The following NR6A1 variants were observed in gnomAD, a reference collection of about 807,000 sequenced individuals.
The protein encoded by NR6A1 is retinoic acid receptor-related testis-associated receptor.
In NR6A1, 7 loss-of-function variants were observed where a neutral mutation model predicts 59.1. The observed-to-expected ratio is 0.12, with a 90% confidence interval of 0.07 to 0.22. NR6A1 has a LOEUF of 0.22. Among genes scored for constraint, NR6A1 ranks in the 10% least tolerant of loss-of-function variants. NR6A1 has a pLI of 1.00. For missense variants in NR6A1, 468 were observed against 611.6 expected, an observed-to-expected ratio of 0.77 and a Z score of 2.48; for synonymous variants, 243 against 236.1, an observed-to-expected ratio of 1.03 and a Z score of -0.27.
chr9:124,530,194 T>C (rs1833061281), intron 7 of NR6A1, among the ~76,000 whole-genome samples: 1 of 152,120 alleles, frequency 6.6e-6, no homozygotes, highest in Non-Finnish European at 1.5e-5. Flanking sequence ...ACCCTAGATC[T>C]GCCCTTTCTC....
intron 2 of NR6A1, among the ~76,000 whole-genome samples, chr9:124,622,006 G>C (rs1588715995): frequency 6.6e-6 from 1 of 152,138 alleles, no homozygotes; most frequent in Non-Finnish European, 1.5e-5. Context: ...TTGAGCCCAG[G>C]AGTTTGAAAC....
intron 2 of NR6A1, among the ~76,000 whole-genome samples, chr9:124,579,299 C>T (rs746830029): frequency 4.6e-5 from 7 of 151,920 alleles, no homozygotes; most frequent in Admixed American, 3.3e-4. Context: ...CACCTGTGGT[C>T]CCAGCTACAT....
intron 2 of NR6A1, among the ~76,000 whole-genome samples, chr9:124,602,442 T>C (rs1402132293): frequency 6.6e-6 from 1 of 152,208 alleles, no homozygotes; most frequent in Non-Finnish European, 1.5e-5. Context: ...CTCAAACTGC[T>C]GTTAAGCAAC....
At chr9:124,765,215 C>A (rs1000485591) in intron 1 of NR6A1, among the ~76,000 whole-genome samples, 1 of 152,082 alleles carries the variant, frequency 6.6e-6, no homozygotes, top group Non-Finnish European at 1.5e-5. Flanking sequence ...CACAAACTAC[C>A]CTGAATGAAA....
In NR6A1 at chr9:124,554,325, C is replaced by T. The variant is rs535020653; in HGVS notation, c.385+3G>A. The T allele has an allele frequency of 2.0e-5, 32 of 1,614,182 alleles. 1 individual carries two copies. In the South Asian group the frequency reaches 3.4e-4, roughly 17 times the overall value. Reference sequence around the variant, plus strand: ...GGCCATCAGAGCCATCAGCACCACTCACCCTTCCGGTTCATCCCCATCTGG... The same window carrying T: ...GGCCATCAGAGCCATCAGCACCACTTACCCTTCCGGTTCATCCCCATCTGG... On this transcript the variant is annotated splice_donor_region_variant and intron_variant, in intron 3 of 9. Transcript: ENST00000487099.
At position 124,665,010 on chromosome 9, in the gene NR6A1, C is replaced by CAAAA. The variant is rs59451556; in HGVS notation, c.142+68294_142+68297dup. Among the ~76,000 whole-genome samples the CAAAA allele has an allele frequency of 1.3e-3, 18 of 13,736 alleles. 4 individuals are homozygous for CAAAA. Among genetic ancestry groups the CAAAA allele is most frequent in the African/African-American group, 2.1e-3 (15 of 7,026 alleles). 9.0% of individuals were successfully genotyped at this position (13,736 alleles called of 152,430 possible). A position where few individuals can be genotyped will look rare whatever the true frequency, so the allele number is the denominator to read the frequency against. On this transcript the variant is annotated intron_variant, in intron 2 of 9. Coordinates refer to ENST00000487099, the MANE Select transcript of NR6A1 (RefSeq NM_033334.4). ...CAATATAATAAGATCCTTGTATCTC[C>CAAAA]AAAAAAAAAAAAAAAAAAAAAAAAA...
chr9:124,630,210 G>GTTTTTTTTTTTTTTTTTTTTT (rs71372979), intron 2 of NR6A1, among the ~76,000 whole-genome samples: 1 of 95,356 alleles, frequency 1.0e-5, no homozygotes, highest in Non-Finnish European at 2.0e-5. Context: ...CTCCAAATCA[G>GTTTTTTTTTTTTTTTTTTTTT]TTTTTTTTTT....
chr9:124,766,373 G>A (rs1193079027), intron 1 of NR6A1, among the ~76,000 whole-genome samples: 1 of 152,176 alleles, frequency 6.6e-6, no homozygotes, highest in South Asian at 2.1e-4. Context: ...AAAGAGTTGG[G>A]TATATCAGAT....
intron 6 of NR6A1, among the ~76,000 whole-genome samples, chr9:124,536,663 TA>T (rs79553613): frequency 4.1e-3 from 526 of 128,324 alleles, no homozygotes; most frequent in Admixed American, 4.7e-3. Context: ...AGACTCTGTC[TA>T]AAAAAAAAAA....
chr9:124,628,663 T>A (rs1291420521), intron 2 of NR6A1, among the ~76,000 whole-genome samples: 1 of 150,798 alleles, frequency 6.6e-6, no homozygotes, highest in Non-Finnish European at 1.5e-5. Context: ...TTTAAAGAGA[T>A]GGAGTCTTGC....
intron 2 of NR6A1, among the ~76,000 whole-genome samples, chr9:124,673,331 C>T (rs1837851435): frequency 6.6e-6 from 1 of 152,028 alleles, no homozygotes; most frequent in Admixed American, 6.6e-5. Context: ...ACCACAACTA[C>T]TGAAGACTCA....
At chr9:124,725,137 G>A (rs1839674636) in intron 2 of NR6A1, among the ~76,000 whole-genome samples, 1 of 151,626 alleles carries the variant, frequency 6.6e-6, no homozygotes, top group Non-Finnish European at 1.5e-5. Context: ...AGGGCAGACA[G>A]GGGTTATTTG....
At chr9:124,665,715 T>C (rs1324687565) in intron 2 of NR6A1, among the ~76,000 whole-genome samples, 1 of 152,192 alleles carries the variant, frequency 6.6e-6, no homozygotes, top group African/African-American at 2.4e-5. Context: ...CACAGCTAGG[T>C]AGTACTCAAC....
At chr9:124,690,272 T>TAA (rs369576779) in intron 2 of NR6A1, among the ~76,000 whole-genome samples, 2 of 152,172 alleles carry the variant, frequency 1.3e-5, no homozygotes, top group African/African-American at 4.8e-5. Flanking sequence ...GATACATTGT[T>TAA]TTATTGAGTT....
At chr9:124,598,580 ATAT>A (rs1835346109) in intron 2 of NR6A1, 3 of 297,930 alleles carry the variant, frequency 1.0e-5, no homozygotes, top group African/African-American at 6.7e-5. Flanking sequence ...TTTGTTCTTT[ATAT>A]AACGGCCTTT....
At chr9:124,661,412 C>CAGG (rs1195373261) in intron 2 of NR6A1, among the ~76,000 whole-genome samples, 2 of 152,306 alleles carry the variant, frequency 1.3e-5, no homozygotes, top group African/African-American at 4.8e-5. Context: ...TCCATTTCAA[C>CAGG]AGGAGGAGGA....
intron 2 of NR6A1, among the ~76,000 whole-genome samples, chr9:124,593,231 T>G (rs926853274): frequency 1.3e-5 from 2 of 152,192 alleles, no homozygotes; most frequent in African/African-American, 4.8e-5. Flanking sequence ...TATCTCAAAA[T>G]AACACACTAG....
At chr9:124,636,484 C>T (rs1351054888) in intron 2 of NR6A1, among the ~76,000 whole-genome samples, 1 of 152,118 alleles carries the variant, frequency 6.6e-6, no homozygotes, top group Non-Finnish European at 1.5e-5. Context: ...AAACATCATG[C>T]CATCATACCC....
chr9:124,730,578 A>T, intron 2 of NR6A1, among the ~76,000 whole-genome samples: 9 of 111,066 alleles, frequency 8.1e-5, no homozygotes, highest in Admixed American at 2.3e-4. Context: ...TTTTTTGGTG[A>T]CTCCTATTCT....
Sources: gnomAD v4.1 joint callset for allele counts (sites outside exome capture counted in the v4.1 genomes callset) on GRCh38, gnomAD v4.1.1 for gene constraint, MANE v1.5 for transcripts, NCBI Gene and HGNC (gene_info 2026-07-23, HGNC 2026-07-21) for gene names.